Variants in KLF12 observed in about 807,000 individuals in gnomAD.
KLF12 encodes KLF transcription factor 12.
Under a neutral mutation model 37.8 loss-of-function variants are expected in KLF12, and 9 were observed. That is an observed-to-expected ratio of 0.24 (90% CI 0.14 to 0.42). The LOEUF is 0.42. Ranked by LOEUF, KLF12 falls within the 10% of genes least tolerant of loss-of-function variation. The probability of loss-of-function intolerance (pLI) is 1.00; values close to 1 mark genes in which losing one functional copy is unlikely to be tolerated. For synonymous variants in KLF12, 208 were observed against 202.1 expected (o/e 1.03, Z -0.25); for missense variants, 411 against 516.0 (o/e 0.80, Z 1.97).
intron 2 of KLF12, among the ~76,000 whole-genome samples, chr13:73,994,318 C>T (rs1267076058): frequency 6.6e-6 from 1 of 152,164 alleles, no homozygotes; most frequent in African/African-American, 2.4e-5. Context: ...TAAAACCCTA[C>T]TTACGAAATA....
the KLF12 span, among the ~76,000 whole-genome samples, chr13:74,222,270 A>G: frequency 1.3e-5 from 2 of 152,226 alleles, no homozygotes; most frequent in African/African-American, 2.4e-5. Flanking sequence ...GTGAATTAAC[A>G]TTTGGCATTC....
intron 6 of KLF12, among the ~76,000 whole-genome samples, chr13:73,755,084 G>A (rs1171754600): frequency 3.9e-5 from 6 of 152,064 alleles, no homozygotes; most frequent in Admixed American, 2.0e-4. Context: ...TAAGCTACAA[G>A]GTTCTTCAAA....
chr13:73,721,853 T>C (rs920659252), intron 6 of KLF12, among the ~76,000 whole-genome samples: 2 of 151,996 alleles, frequency 1.3e-5, no homozygotes, highest in African/African-American at 2.4e-5. Context: ...GCCTACCCAG[T>C]ACATATTTTC....
At chr13:73,822,602 TG>T (rs1326520652) in intron 4 of KLF12, among the ~76,000 whole-genome samples, 1 of 152,178 alleles carries the variant, frequency 6.6e-6, no homozygotes, top group African/African-American at 2.4e-5. Flanking sequence ...TAAAAATTCA[TG>T]TTTTTTTGAA....
the KLF12 span, among the ~76,000 whole-genome samples, chr13:74,207,723 G>A: frequency 6.6e-6 from 1 of 151,984 alleles, no homozygotes; most frequent in Non-Finnish European, 1.5e-5. Context: ...TGCAGCAAAT[G>A]GTAGAAAGAG....
chr13:74,140,961 G>T, the KLF12 span, among the ~76,000 whole-genome samples: 13 of 420 alleles, frequency 0.031, no homozygotes, highest in African/African-American at 0.036. Flanking sequence ...GGGGTGGGGG[G>T]TGCTGAGGCA....
intron 3 of KLF12, among the ~76,000 whole-genome samples, chr13:73,884,761 T>C (rs1401116940): frequency 2.0e-5 from 3 of 152,266 alleles, no homozygotes; most frequent in Admixed American, 2.0e-4. Context: ...AAATTTAAAC[T>C]TAAAGAGCCA....
chr13:73,979,255 AC>A (rs1458482902), intron 2 of KLF12, among the ~76,000 whole-genome samples: 1 of 152,106 alleles, frequency 6.6e-6, no homozygotes, highest in Non-Finnish European at 1.5e-5. Context: ...GGGAGAGGCT[AC>A]ATGTGTGTCG....
At chr13:74,044,774 G>A (rs1201409260) in intron 1 of KLF12, among the ~76,000 whole-genome samples, 1 of 151,868 alleles carries the variant, frequency 6.6e-6, no homozygotes, top group Non-Finnish European at 1.5e-5. Context: ...GAACCCGGGA[G>A]GCAGAGGTTG....
the KLF12 span, among the ~76,000 whole-genome samples, chr13:74,234,596 C>G: frequency 2.0e-5 from 3 of 152,026 alleles, no homozygotes; most frequent in Non-Finnish European, 2.9e-5. Flanking sequence ...AGAATGAAGT[C>G]AGAAATAAGA....
At chr13:74,248,520 C>T in the KLF12 span, among the ~76,000 whole-genome samples, 53 of 152,320 alleles carry the variant, frequency 3.5e-4, no homozygotes, top group East Asian at 3.9e-4. Flanking sequence ...AATATAATTT[C>T]AGCCAATGCT....
At chr13:73,751,996 T>C (rs1435238909) in intron 6 of KLF12, among the ~76,000 whole-genome samples, 2 of 152,096 alleles carry the variant, frequency 1.3e-5, no homozygotes, top group African/African-American at 4.8e-5. Context: ...GGATTTATTT[T>C]ATTTTTTATT....
At chr13:74,041,020 G>A (rs1463817419) in intron 1 of KLF12, among the ~76,000 whole-genome samples, 1 of 152,136 alleles carries the variant, frequency 6.6e-6, no homozygotes, top group African/African-American at 2.4e-5. Flanking sequence ...TGTCTAGGGT[G>A]ACAATAAATA....
At chr13:74,239,070 G>A in the KLF12 span, among the ~76,000 whole-genome samples, 4 of 146,260 alleles carry the variant, frequency 2.7e-5, no homozygotes, top group African/African-American at 5.1e-5. Context: ...TTTCTCTTGT[G>A]GGCATTTAGT....
chr13:73,840,674 C>T (rs1447399058), intron 4 of KLF12, among the ~76,000 whole-genome samples: 12 of 152,154 alleles, frequency 7.9e-5, no homozygotes, highest in Non-Finnish European at 2.9e-5. Flanking sequence ...TTACAGCATG[C>T]AGTGGTTCAA....
chr13:74,198,722 G>A, the KLF12 span, among the ~76,000 whole-genome samples: 1 of 152,130 alleles, frequency 6.6e-6, no homozygotes, highest in Non-Finnish European at 1.5e-5. Flanking sequence ...TAGATAGTTT[G>A]AGAAGTGTTA....
chr13:73,996,654 T>G (rs1359036684), intron 1 of KLF12, among the ~76,000 whole-genome samples: 1 of 152,230 alleles, frequency 6.6e-6, no homozygotes, highest in Non-Finnish European at 1.5e-5. Flanking sequence ...GAATCACACA[T>G]AAACACCCTT....
At chr13:74,154,350 G>A in the KLF12 span, among the ~76,000 whole-genome samples, 4,389 of 152,150 alleles carry the variant, frequency 0.029, 210 homozygotes, top group African/African-American at 0.097. Context: ...CCCATTATAA[G>A]TATTTACATC....
intron 1 of KLF12, among the ~76,000 whole-genome samples, chr13:74,071,044 T>A (rs537555508): frequency 3.7e-4 from 57 of 152,300 alleles, no homozygotes; most frequent in African/African-American, 1.3e-3. Context: ...TTTACAGAAC[T>A]GTGATGCTCT....
Sources: gnomAD v4.1 joint callset for allele counts (sites outside exome capture counted in the v4.1 genomes callset) on GRCh38, gnomAD v4.1.1 for gene constraint, MANE v1.5 for transcripts, NCBI Gene and HGNC (gene_info 2026-07-23, HGNC 2026-07-21) for gene names.